The following UTRN variants were observed in gnomAD, a reference collection of about 807,000 sequenced individuals.
The protein encoded by UTRN is utrophin.
UTRN carries 283 observed loss-of-function variants against 463.9 expected under a neutral mutation model. The ratio of observed to expected loss-of-function variants is 0.61; its 90% CI spans 0.55 to 0.67. The LOEUF (loss-of-function observed/expected upper bound fraction) is 0.67, where lower values mean the gene tolerates loss of function less well. Ranked by LOEUF, UTRN falls within the 30% of genes least tolerant of loss-of-function variation. The pLI is 0.00. For missense variants in UTRN, 3,922 were observed against 4,084.3 expected (o/e 0.96, Z 1.08); for synonymous variants, 1,442 against 1,431.5 (o/e 1.01, Z -0.17).
At chr6:144,340,945 TTG>T (rs1440265604) in intron 2 of UTRN, among the ~76,000 whole-genome samples, 1 of 152,246 alleles carries the variant, frequency 6.6e-6, no homozygotes, top group African/African-American at 2.4e-5. Flanking sequence ...GCCTTTGCAC[TTG>T]TGTGTGTTCA....
At chr6:144,575,876 C>T (rs1441985061) in intron 50 of UTRN, among the ~76,000 whole-genome samples, 2 of 152,106 alleles carry the variant, frequency 1.3e-5, no homozygotes, top group Non-Finnish European at 2.9e-5. Flanking sequence ...TTATCATCCT[C>T]CAAAGAAACC....
chr6:144,437,145 G>A (rs1308925983), intron 10 of UTRN, among the ~76,000 whole-genome samples: 11 of 151,762 alleles, frequency 7.2e-5, no homozygotes, highest in Admixed American at 6.6e-4. Context: ...GTTAGAGACG[G>A]GGTTTCACCT....
intron 19 of UTRN, 54 bp from the exon 20 acceptor site, chr6:144,458,716 C>A: frequency 6.6e-7 from 1 of 1,514,562 alleles, no homozygotes; most frequent in Non-Finnish European, 8.8e-7. Flanking sequence ...AGAATAAATT[C>A]AAGACACATT....
At chr6:144,530,745 TGTGA>T (rs1162717318) in intron 41 of UTRN, among the ~76,000 whole-genome samples, 4 of 152,106 alleles carry the variant, frequency 2.6e-5, no homozygotes, top group East Asian at 3.9e-4. Context: ...TGAGTGTGTT[TGTGA>T]GTGTGTATGT....
chr6:144,417,177 C>G (rs1213711385), intron 3 of UTRN, among the ~76,000 whole-genome samples: 3 of 152,100 alleles, frequency 2.0e-5, no homozygotes, highest in African/African-American at 7.2e-5. Context: ...TCTTGTTGCT[C>G]TCTTTGGGGG....
intron 54 of UTRN, among the ~76,000 whole-genome samples, chr6:144,737,428 G>A (rs1405484205): frequency 6.6e-6 from 1 of 152,146 alleles, no homozygotes; most frequent in Non-Finnish European, 1.5e-5. Context: ...ACAAAACGAG[G>A]TAGTCTTTGG....
At chr6:144,765,144 A>G (rs1187302282) in intron 58 of UTRN, among the ~76,000 whole-genome samples, 1 of 152,190 alleles carries the variant, frequency 6.6e-6, no homozygotes, top group Non-Finnish European at 1.5e-5. Flanking sequence ...TTGCATGTTT[A>G]TATTTCCAAG....
At chr6:144,737,477 T>C (rs188069495) in intron 54 of UTRN, among the ~76,000 whole-genome samples, 1 of 152,052 alleles carries the variant, frequency 6.6e-6, no homozygotes, top group East Asian at 1.9e-4. Context: ...CTGTGAATTA[T>C]GGTGTGTGTA....
intron 2 of UTRN, among the ~76,000 whole-genome samples, chr6:144,379,599 C>T (rs1780737759): frequency 6.6e-6 from 1 of 152,168 alleles, no homozygotes; most frequent in Admixed American, 6.6e-5. Flanking sequence ...TACTTTTAGT[C>T]TCAAAAGTCC....
At chr6:144,635,541 T>C (rs1234860484) in intron 51 of UTRN, among the ~76,000 whole-genome samples, 6 of 67,990 alleles carry the variant, frequency 8.8e-5, no homozygotes, top group South Asian at 6.1e-4. Context: ...TTTTCTTTTT[T>C]TTTTTTTTTT....
At chr6:144,708,961 ACTTAT>A (rs1562798006) in intron 53 of UTRN, among the ~76,000 whole-genome samples, 1 of 152,168 alleles carries the variant, frequency 6.6e-6, no homozygotes, top group Non-Finnish European at 1.5e-5. Context: ...TGGAAGCTGA[ACTTAT>A]CCTTTGAGCC....
At chr6:144,814,668 T>C (rs1197915551) in intron 65 of UTRN, among the ~76,000 whole-genome samples, 1 of 152,206 alleles carries the variant, frequency 6.6e-6, no homozygotes, top group Non-Finnish European at 1.5e-5. Context: ...GTAACTACTT[T>C]ATGAATGGGA....
intron 2 of UTRN, among the ~76,000 whole-genome samples, chr6:144,316,465 C>T (rs939071304): frequency 2.0e-5 from 3 of 152,222 alleles, no homozygotes; most frequent in African/African-American, 7.2e-5. Context: ...TTAAAATTAA[C>T]CATAATCTGT....
chr6:144,438,105 A>C (rs1786766509), intron 11 of UTRN, among the ~76,000 whole-genome samples: 1 of 152,206 alleles, frequency 6.6e-6, no homozygotes, highest in Admixed American at 6.5e-5. Flanking sequence ...GTCTCTACTA[A>C]AAATACAAAA....
chr6:144,772,169 G>A (rs999045093), intron 59 of UTRN, among the ~76,000 whole-genome samples: 8 of 151,074 alleles, frequency 5.3e-5, no homozygotes, highest in African/African-American at 1.9e-4. Flanking sequence ...GAGTAGCTGG[G>A]ACTACAGGCG....
chr6:144,382,385 G>A (rs867678201), intron 2 of UTRN, among the ~76,000 whole-genome samples: 26 of 152,200 alleles, frequency 1.7e-4, no homozygotes, highest in Middle Eastern at 3.2e-3. Flanking sequence ...CACATCTCTG[G>A]ATGACTGGGC....
At chr6:144,726,006 A>G (rs964040597) in intron 53 of UTRN, among the ~76,000 whole-genome samples, 4 of 150,026 alleles carry the variant, frequency 2.7e-5, no homozygotes, top group African/African-American at 9.8e-5. Flanking sequence ...TCCAGCCAGC[A>G]CCCTGCGCAG....
At chr6:144,490,803 G>A (rs1315819348) in intron 31 of UTRN, 126 bp from the exon 32 acceptor site, 9 of 1,060,640 alleles carry the variant, frequency 8.5e-6, no homozygotes, top group Middle Eastern at 2.3e-4. Flanking sequence ...TTTTATTTTG[G>A]GTCATATTTC....
chr6:144,674,558 T>C (rs1230697602), intron 51 of UTRN, among the ~76,000 whole-genome samples: 1 of 152,024 alleles, frequency 6.6e-6, no homozygotes, highest in African/African-American at 2.4e-5. Flanking sequence ...TGTGTTGTTT[T>C]TTTAATTTCT....
Sources: allele counts gnomAD v4.1 joint callset (sites outside exome capture counted in the v4.1 genomes callset), GRCh38; gene constraint gnomAD v4.1.1; transcripts MANE v1.5; gene names NCBI Gene and HGNC (gene_info 2026-07-23, HGNC 2026-07-21).